TTC17: variants seen among roughly 807,000 people sequenced by gnomAD.
TTC17 encodes tetratricopeptide repeat domain 17, also known as tetratricopeptide repeat protein 17.
Under a neutral mutation model 143.8 loss-of-function variants are expected in TTC17, and 58 were observed. The observed-to-expected ratio is 0.40, with a 90% confidence interval of 0.33 to 0.50. TTC17 has a LOEUF of 0.50. Among genes scored for constraint, TTC17 ranks in the 20% least tolerant of loss-of-function variants. The pLI, the probability that TTC17 is intolerant of heterozygous loss-of-function variation, is 0.49. For missense variants in TTC17, 1,273 were observed against 1,392.5 expected (o/e 0.91, Z 1.37); for synonymous variants, 501 against 497.8 (o/e 1.01, Z -0.09).
chr11:43,391,411 TA>T, intron 3 of TTC17, 53 bp from the exon 4 acceptor site: 1 of 1,193,680 alleles, frequency 8.4e-7, no homozygotes, highest in South Asian at 1.3e-5. Flanking sequence ...AATAAATAAA[TA>T]AAATATTGTT....
intron 21 of TTC17, chr11:43,490,017 A>C: frequency 7.8e-6 from 3 of 382,464 alleles, no homozygotes; most frequent in Non-Finnish European, 1.3e-5. Context: ...TCTCTGAGTC[A>C]TAGTTTTCTC....
chr11:43,425,078 T>A (rs1946995401), intron 16 of TTC17, among the ~76,000 whole-genome samples: 1 of 152,192 alleles, frequency 6.6e-6, no homozygotes, highest in Admixed American at 6.5e-5. Context: ...TCATTCTAGA[T>A]GTTTTGGAGA....
At chr11:43,443,270 G>T in intron 16 of TTC17, 55 bp from the exon 17 acceptor site, 1 of 1,583,258 alleles carries the variant, frequency 6.3e-7, no homozygotes, top group Non-Finnish European at 8.6e-7. Context: ...AGTCACCCAA[G>T]GTCTTGAATG....
At chr11:43,419,913 AAG>A (rs1353862539) in intron 16 of TTC17, among the ~76,000 whole-genome samples, 2 of 152,224 alleles carry the variant, frequency 1.3e-5, no homozygotes, top group African/African-American at 4.8e-5. Context: ...TTTCTGTAAA[AAG>A]AATTAAAACT....
intron 16 of TTC17, among the ~76,000 whole-genome samples, chr11:43,431,188 T>A (rs1421381387): frequency 6.6e-6 from 1 of 152,216 alleles, no homozygotes; most frequent in Non-Finnish European, 1.5e-5. Flanking sequence ...GGCATTTGGG[T>A]TGGTTCCATG....
chr11:43,463,210 G>A (rs560432614), intron 21 of TTC17, among the ~76,000 whole-genome samples: 15 of 151,910 alleles, frequency 9.9e-5, no homozygotes, highest in East Asian at 3.9e-4. Flanking sequence ...CACCGTGCCC[G>A]GCCCAAAATT....
At chr11:43,396,129 C>A (rs1330358304) in intron 5 of TTC17, 1 of 151,908 alleles carries the variant, frequency 6.6e-6, no homozygotes, top group African/African-American at 2.4e-5. Flanking sequence ...TTAGTCTTTG[C>A]CACTTTGTAA....
At chr11:43,439,185 T>C (rs1947358745) in intron 16 of TTC17, among the ~76,000 whole-genome samples, 1 of 152,214 alleles carries the variant, frequency 6.6e-6, no homozygotes, top group African/African-American at 2.4e-5. Flanking sequence ...AGTAATCTCT[T>C]TGGAATTTTT....
chr11:43,372,977 G>C (rs1856627396), intron 1 of TTC17, among the ~76,000 whole-genome samples: 1 of 152,048 alleles, frequency 6.6e-6, no homozygotes, highest in East Asian at 1.9e-4. Context: ...TAATATAGTA[G>C]ATATATTATT....
chr11:43,478,351 A>G (rs899606808), intron 21 of TTC17, among the ~76,000 whole-genome samples: 1 of 152,198 alleles, frequency 6.6e-6, no homozygotes, highest in Non-Finnish European at 1.5e-5. Flanking sequence ...CATAGGAACA[A>G]CCAACTGAAT....
At position 43,446,142 on chromosome 11, in the gene TTC17, A is replaced by G. The variant is rs1947535749; in HGVS notation, c.2666-1860A>G. The G allele has an allele frequency of 4.4e-6, 6 of 1,361,088 alleles. No individual in the cohort carries two copies. In the South Asian group the frequency reaches 1.2e-4, roughly 28 times the overall value. 84.3% of individuals were successfully genotyped at this position (1,361,088 alleles called of 1,614,324 possible). Reference sequence around the variant, plus strand: ...CCGCCTCTGTGTACCCTTCAACACCATTCTCTGAACCAACCATGCTCATGT... The same window carrying G: ...CCGCCTCTGTGTACCCTTCAACACCGTTCTCTGAACCAACCATGCTCATGT... On this transcript the variant is annotated intron_variant, in intron 18 of 23. Coordinates refer to ENST00000039989, the MANE Select transcript of TTC17 (RefSeq NM_018259.6).
Position 43,397,622 on chromosome 11 carries a change from G to A in TTC17, c.918+131G>A. 5.5e-6 allele frequency: 6 copies of A among 1,093,692 alleles called. No homozygotes were observed. In the South Asian group the frequency reaches 9.7e-5, roughly 18 times the overall value. 67.7% of individuals were successfully genotyped at this position (1,093,692 alleles called of 1,614,324 possible). The stretch of plus-strand genomic sequence containing the variant: ...GTCTGAACGATGGAAATGAAATTAG[G>A]AGGAAGAAAAATCCTCAACACAGTA... On this transcript the variant is annotated intron_variant, in intron 7 of 23. Coordinates refer to ENST00000039989, the MANE Select transcript of TTC17 (RefSeq NM_018259.6).
chr11:43,432,952 C>G (rs2134687550), intron 16 of TTC17, among the ~76,000 whole-genome samples: 1 of 152,096 alleles, frequency 6.6e-6, no homozygotes, highest in Non-Finnish European at 1.5e-5. Context: ...CACATCAAAA[C>G]CCTAAACCGG....
At chr11:43,423,395 A>G (rs879533915) in intron 16 of TTC17, among the ~76,000 whole-genome samples, 26 of 152,218 alleles carry the variant, frequency 1.7e-4, no homozygotes, top group Admixed American at 1.5e-3. Context: ...TTCCCTCAGA[A>G]TGTGCAGGAT....
chr11:43,485,648 A>G (rs1231054863), intron 21 of TTC17, among the ~76,000 whole-genome samples: 1 of 152,160 alleles, frequency 6.6e-6, no homozygotes, highest in Non-Finnish European at 1.5e-5. Context: ...TAAAGATATT[A>G]ACAGGCATTT....
chr11:43,444,452 G>C lies in TTC17; in HGVS notation c.2665+243G>C, dbSNP rs149956299. 3.4e-3 allele frequency: 1,038 copies of C among 301,272 alleles called. 13 individuals are homozygous for C. The highest frequency in any genetic ancestry group is 0.021 in the African/African-American group (959 of 46,292). 18.7% of individuals were successfully genotyped at this position (301,272 alleles called of 1,614,324 possible). ...ATAAATCATAAAGGAAGAAAAATTA[G>C]GTGAATATTTACATGCTCTTTCCAT... On this transcript the variant is annotated intron_variant, in intron 18 of 23. Transcript: ENST00000039989.
intron 16 of TTC17, among the ~76,000 whole-genome samples, chr11:43,421,773 T>TATACATACA (rs560651724): frequency 2.0e-5 from 3 of 152,186 alleles, no homozygotes; most frequent in Non-Finnish European, 4.4e-5. Flanking sequence ...AATTTCATCA[T>TATACATACA]ATGTTATAAT....
intron 5 of TTC17, 43 bp downstream of exon 5, chr11:43,391,995 G>A (rs758026267): frequency 1.7e-5 from 26 of 1,561,936 alleles, no homozygotes; most frequent in East Asian, 9.2e-5. Context: ...CTGAGCCAGC[G>A]GGCTCTGTGT....
chr11:43,364,049 T>C (rs1333685416), intron 1 of TTC17, among the ~76,000 whole-genome samples: 1 of 117,662 alleles, frequency 8.5e-6, no homozygotes, highest in Non-Finnish European at 1.9e-5. Context: ...CAGATCCTCT[T>C]TTTTTTTTTT....
Sources: allele counts gnomAD v4.1 joint callset (sites outside exome capture counted in the v4.1 genomes callset), GRCh38; gene constraint gnomAD v4.1.1; transcripts MANE v1.5; gene names NCBI Gene and HGNC (gene_info 2026-07-23, HGNC 2026-07-21).